EXT1: variants seen among roughly 807,000 people sequenced by gnomAD.
The protein encoded by EXT1 is exostosin glycosyltransferase 1, also known as exostosin-1.
In EXT1, 20 loss-of-function variants were observed where a neutral mutation model predicts 82.5. The ratio of observed to expected loss-of-function variants is 0.24; its 90% CI spans 0.17 to 0.35. The LOEUF is 0.35. EXT1 is among the 10% of genes least tolerant of loss of function. EXT1 has a pLI of 1.00. For synonymous variants in EXT1, 348 were observed against 350.8 expected, an observed-to-expected ratio of 0.99 and a Z score of 0.09; for missense variants, 757 against 936.5, an observed-to-expected ratio of 0.81 and a Z score of 2.50.
chr8:118,088,683 TC>T, intron 1 of EXT1, among the ~76,000 whole-genome samples: 1 of 99,630 alleles, frequency 1.0e-5, no homozygotes, highest in South Asian at 4.1e-4. Context: ...TGATGCCTTC[TC>T]TTTTTTTTTT....
At chr8:117,879,112 T>C (rs566409814) in intron 1 of EXT1, among the ~76,000 whole-genome samples, 14 of 152,334 alleles carry the variant, frequency 9.2e-5, no homozygotes, top group African/African-American at 2.4e-4. Flanking sequence ...CTCAAGAATA[T>C]ATCATCCTAC....
chr8:117,992,884 G>A (rs938139845), intron 1 of EXT1, among the ~76,000 whole-genome samples: 1 of 152,192 alleles, frequency 6.6e-6, no homozygotes, highest in Non-Finnish European at 1.5e-5. Flanking sequence ...ACAGTGTCAA[G>A]CAGAAAAACA....
intron 1 of EXT1, among the ~76,000 whole-genome samples, chr8:117,896,177 T>G (rs1813332136): frequency 6.6e-6 from 1 of 152,212 alleles, no homozygotes; most frequent in Admixed American, 6.5e-5. Context: ...TATGCCTGTC[T>G]ATGGATGTGT....
intron 1 of EXT1, among the ~76,000 whole-genome samples, chr8:117,912,868 A>G (rs1451508307): frequency 6.6e-6 from 1 of 152,204 alleles, no homozygotes; most frequent in Non-Finnish European, 1.5e-5. Flanking sequence ...ATTGGTGCAT[A>G]AGAACTAAAT....
At chr8:117,872,805 A>C (rs1279807314) in intron 1 of EXT1, among the ~76,000 whole-genome samples, 1 of 151,872 alleles carries the variant, frequency 6.6e-6, no homozygotes, top group African/African-American at 2.4e-5. Flanking sequence ...ACACATATTA[A>C]AGCGAATACT....
intron 1 of EXT1, among the ~76,000 whole-genome samples, chr8:117,945,482 G>A (rs1227396537): frequency 2.6e-5 from 4 of 152,048 alleles, no homozygotes; most frequent in African/African-American, 9.7e-5. Flanking sequence ...TCCTCTTCCA[G>A]TTGAAGTGCT....
intron 1 of EXT1, among the ~76,000 whole-genome samples, chr8:117,911,079 A>G (rs1404339154): frequency 6.6e-6 from 1 of 152,174 alleles, no homozygotes; most frequent in African/African-American, 2.4e-5. Flanking sequence ...CGTGCTCTCC[A>G]ACCTTCAGCA....
At chr8:118,076,964 G>C (rs1469652616) in intron 1 of EXT1, among the ~76,000 whole-genome samples, 1 of 151,956 alleles carries the variant, frequency 6.6e-6, no homozygotes. Context: ...TAGAGGGAAA[G>C]GAAGGGGGTT....
chr8:117,967,083 C>A (rs1167229874), intron 1 of EXT1, among the ~76,000 whole-genome samples: 2 of 152,226 alleles, frequency 1.3e-5, no homozygotes, highest in African/African-American at 2.4e-5. Context: ...ATTAACACAT[C>A]TTGGGAAATT....
At chr8:118,028,583 A>G (rs989192289) in intron 1 of EXT1, among the ~76,000 whole-genome samples, 2 of 152,080 alleles carry the variant, frequency 1.3e-5, no homozygotes, top group Admixed American at 6.5e-5. Context: ...TTATATTTAT[A>G]TATGAGTAGT....
At chr8:117,972,248 G>A (rs1453506278) in intron 1 of EXT1, among the ~76,000 whole-genome samples, 1 of 151,982 alleles carries the variant, frequency 6.6e-6, no homozygotes, top group Non-Finnish European at 1.5e-5. Flanking sequence ...CCAGAGTGCA[G>A]TCAAAGGATC....
At chr8:117,897,365 C>A (rs925164842) in intron 1 of EXT1, among the ~76,000 whole-genome samples, 7 of 152,180 alleles carry the variant, frequency 4.6e-5, no homozygotes, top group African/African-American at 1.2e-4. Context: ...TGCTCTCCCC[C>A]ACGAGTGGAA....
chr8:117,812,721 G>A, intron 8 of EXT1, 151 bp downstream of exon 8: 1 of 736,394 alleles, frequency 1.4e-6, no homozygotes, highest in East Asian at 2.7e-5. Flanking sequence ...GTGCTAACAG[G>A]AATCGGGCTG....
intron 1 of EXT1, among the ~76,000 whole-genome samples, chr8:118,075,966 G>A (rs1817201410): frequency 6.6e-6 from 1 of 151,962 alleles, no homozygotes; most frequent in South Asian, 2.1e-4. Flanking sequence ...GATTTAAGGG[G>A]GACAAATATC....
At chr8:117,867,965 G>A (rs138927470) in intron 1 of EXT1, among the ~76,000 whole-genome samples, 3 of 152,278 alleles carry the variant, frequency 2.0e-5, no homozygotes, top group South Asian at 2.1e-4. Context: ...TTCAGCACAC[G>A]ACTAATGCCA....
intron 1 of EXT1, among the ~76,000 whole-genome samples, chr8:118,100,160 AG>A (rs1401840596): frequency 6.6e-6 from 1 of 152,122 alleles, no homozygotes; most frequent in Admixed American, 6.6e-5. Context: ...AGTGGTTGGA[AG>A]ACACACACAG....
At position 118,086,184 on chromosome 8, in the gene EXT1, T is replaced by G. The variant is rs955175216; in HGVS notation, c.962+23901A>C. Among the ~76,000 whole-genome samples the G allele has an allele frequency of 5.3e-5, 8 of 152,232 alleles. 1 individual carries two copies. The highest frequency in any genetic ancestry group is 1.5e-5 in the Non-Finnish European group (1 of 68,030). The stretch of plus-strand genomic sequence containing the variant: ...AGTCTAGGAATATAAGCAAGTCTTG[T>G]GTATTGCCTATCACGTACATGGCTA... On this transcript the variant is annotated intron_variant, in intron 1 of 10. Coordinates refer to ENST00000378204, the MANE Select transcript of EXT1 (RefSeq NM_000127.3).
intron 1 of EXT1, among the ~76,000 whole-genome samples, chr8:117,912,028 GAA>G (rs962828913): frequency 7.2e-4 from 110 of 152,296 alleles, no homozygotes; most frequent in African/African-American, 2.5e-3. Context: ...AAGAAGAGTA[GAA>G]GAGAGAGAGA....
intron 1 of EXT1, among the ~76,000 whole-genome samples, chr8:118,036,531 C>A (rs1586356250): frequency 6.6e-6 from 1 of 152,160 alleles, no homozygotes; most frequent in East Asian, 1.9e-4. Flanking sequence ...TAGTCACAAA[C>A]CCTTGAGGAT....
Sources: allele counts gnomAD v4.1 joint callset (sites outside exome capture counted in the v4.1 genomes callset), GRCh38; gene constraint gnomAD v4.1.1; transcripts MANE v1.5; gene names NCBI Gene and HGNC (gene_info 2026-07-23, HGNC 2026-07-21).